Variants in DLGAP2 observed in about 807,000 individuals in gnomAD.
DLGAP2 encodes the protein DLG associated protein 2.
DLGAP2 carries 26 observed loss-of-function variants against 100.3 expected under a neutral mutation model. The observed-to-expected ratio is 0.26, with a 90% CI of 0.19 to 0.36. The LOEUF is 0.36. Ranked by LOEUF, DLGAP2 falls within the 10% of genes least tolerant of loss-of-function variation. The pLI, the probability that DLGAP2 is intolerant of heterozygous loss-of-function variation, is 1.00. For missense variants in DLGAP2, 1,858 were observed against 1,453.2 expected, an observed-to-expected ratio of 1.28 and a Z score of -4.53; for synonymous variants, 886 against 630.1, an observed-to-expected ratio of 1.41 and a Z score of -6.08.
chr8:1,311,600 A>C (rs970007162), intron 3 of DLGAP2, among the ~76,000 whole-genome samples: 4 of 152,212 alleles, frequency 2.6e-5, no homozygotes, highest in Admixed American at 6.5e-5. Flanking sequence ...GATTTATTCC[A>C]GGAATGTAAA....
chr8:1,489,001 C>G (rs77244794), intron 3 of DLGAP2, among the ~76,000 whole-genome samples: 8,214 of 152,200 alleles, frequency 0.054, 753 homozygotes, highest in African/African-American at 0.18. Context: ...AGACTCAACT[C>G]GCATTCAGCT....
At chr8:1,098,570 C>G (rs1349239368) in intron 2 of DLGAP2, among the ~76,000 whole-genome samples, 1 of 151,384 alleles carries the variant, frequency 6.6e-6, no homozygotes, top group Non-Finnish European at 1.5e-5. Flanking sequence ...CGATGGCCAC[C>G]CACAGACGCC....
At chr8:1,253,978 C>T (rs758860341) in intron 2 of DLGAP2, among the ~76,000 whole-genome samples, 2 of 152,150 alleles carry the variant, frequency 1.3e-5, no homozygotes, top group Non-Finnish European at 2.9e-5. Context: ...TCAGTTTTGA[C>T]GCATATTTTG....
In DLGAP2 at chr8:1,408,677, A is replaced by C. The variant is rs75911857; in HGVS notation, c.107-92689A>C. ...GTATCTTGGATGTTTGAGGCCTTCT[A>C]GCAAGTCCTTGTTTCAGGCTTTCAC... is the stretch of plus-strand genomic sequence containing the variant. On this transcript the variant is annotated intron_variant, in intron 3 of 14. Coordinates refer to ENST00000637795, the MANE Select transcript of DLGAP2 (RefSeq NM_001346810.2). 3.4e-3 allele frequency among the ~76,000 whole-genome samples: 525 copies of C among 152,256 alleles called. 10 individuals are homozygous for C. In the East Asian group the frequency reaches 0.047, roughly 14 times the overall value.
chr8:1,621,548 C>A (rs1221334878), intron 6 of DLGAP2: 1 of 152,400 alleles, frequency 6.6e-6, no homozygotes, highest in Non-Finnish European at 1.5e-5. Context: ...GCCATTGCAG[C>A]CCCACCTGCC....
chr8:1,619,665 T>C (rs1330663785), intron 6 of DLGAP2: 1 of 152,240 alleles, frequency 6.6e-6, no homozygotes, highest in East Asian at 1.9e-4. Context: ...GTGCTCACCA[T>C]GTATTATACT....
At chr8:1,489,914 TG>T (rs1799329990) in intron 3 of DLGAP2, among the ~76,000 whole-genome samples, 1 of 152,116 alleles carries the variant, frequency 6.6e-6, no homozygotes, top group Middle Eastern at 3.2e-3. Flanking sequence ...TTTTTTAAGA[TG>T]GAGTCTCACT....
intron 3 of DLGAP2, among the ~76,000 whole-genome samples, chr8:1,496,444 G>C (rs571651249): frequency 6.6e-5 from 10 of 152,134 alleles, no homozygotes; most frequent in African/African-American, 2.4e-4. Context: ...ACCTGGGCCC[G>C]GGCCTCTGAG....
chr8:990,127 A>C (rs145940923), intron 2 of DLGAP2, among the ~76,000 whole-genome samples: 1 of 152,062 alleles, frequency 6.6e-6, no homozygotes, highest in South Asian at 2.1e-4. Context: ...CCTCCTTTCT[A>C]TCAGCCTGAT....
chr8:1,429,590 C>A (rs1347441396), intron 3 of DLGAP2, among the ~76,000 whole-genome samples: 1 of 152,020 alleles, frequency 6.6e-6, no homozygotes, highest in Non-Finnish European at 1.5e-5. Flanking sequence ...CTTACAAGAA[C>A]TAATCCTAAA....
rs371320929 is a variant in DLGAP2 at position 986,927 on chromosome 8, T to G, written c.73+78961T>G. Among the ~76,000 whole-genome samples the G allele has an allele frequency of 2.0e-4, 31 of 152,302 alleles. No homozygotes were observed. In the Middle Eastern group the frequency reaches 0.01, roughly 50 times the overall value. ...CACCCGTCTCGACCTTCCAGAGTAC[T>G]AGGATTACAGGCATGAGCCACCGCA... On this transcript the variant is annotated intron_variant, in intron 2 of 14. Coordinates refer to ENST00000637795, the MANE Select transcript of DLGAP2 (RefSeq NM_001346810.2).
At chr8:1,172,309 CCTT>C in intron 2 of DLGAP2, among the ~76,000 whole-genome samples, 1 of 152,216 alleles carries the variant, frequency 6.6e-6, no homozygotes, top group East Asian at 1.9e-4. Context: ...CTCTGGCTCT[CCTT>C]AACATTTTTT....
At chr8:1,633,877 A>T (rs575511562) in intron 8 of DLGAP2, among the ~76,000 whole-genome samples, 1 of 152,380 alleles carries the variant, frequency 6.6e-6, no homozygotes, top group Admixed American at 6.5e-5. Flanking sequence ...TATGTTCATG[A>T]TGAATAGCAT....
At chr8:1,583,513 T>C (rs1300104742) in intron 6 of DLGAP2, among the ~76,000 whole-genome samples, 2 of 152,192 alleles carry the variant, frequency 1.3e-5, no homozygotes, top group Non-Finnish European at 2.9e-5. Flanking sequence ...TTTTGAGACC[T>C]TGCAGAGTCA....
At chr8:1,644,731 C>A (rs946167635) in intron 8 of DLGAP2, among the ~76,000 whole-genome samples, 3 of 152,106 alleles carry the variant, frequency 2.0e-5, no homozygotes, top group Non-Finnish European at 2.9e-5. Flanking sequence ...TAGGCCATGG[C>A]AGAGAATTAT....
intron 8 of DLGAP2, among the ~76,000 whole-genome samples, chr8:1,666,993 G>C (rs1007445889): frequency 6.6e-6 from 1 of 152,176 alleles, no homozygotes; most frequent in African/African-American, 2.4e-5. Flanking sequence ...ACGGCGCTCA[G>C]ACCCCTCCAG....
intron 6 of DLGAP2, among the ~76,000 whole-genome samples, chr8:1,620,701 C>T (rs1036680521): frequency 6.6e-6 from 1 of 152,096 alleles, no homozygotes; most frequent in Admixed American, 6.5e-5. Flanking sequence ...GAGAAACCAG[C>T]TCAAGTCTGC....
At chr8:1,157,954 C>G (rs897691132) in intron 2 of DLGAP2, among the ~76,000 whole-genome samples, 2 of 152,198 alleles carry the variant, frequency 1.3e-5, no homozygotes, top group Admixed American at 6.5e-5. Flanking sequence ...ACTGTGCCTT[C>G]AAGAGTATCA....
chr8:920,080 G>A (rs1798676625), intron 2 of DLGAP2, among the ~76,000 whole-genome samples: 1 of 152,180 alleles, frequency 6.6e-6, no homozygotes, highest in African/African-American at 2.4e-5. Context: ...GAAGGTGGAG[G>A]AGAGAGGTCC....
Sources: allele counts gnomAD v4.1 joint callset (sites outside exome capture counted in the v4.1 genomes callset), GRCh38; gene constraint gnomAD v4.1.1; transcripts MANE v1.5; gene names NCBI Gene and HGNC (gene_info 2026-07-23, HGNC 2026-07-21).